The following ACSS3 variants were observed in gnomAD, a reference collection of about 807,000 sequenced individuals.
ACSS3 encodes acyl-CoA synthetase short chain family member 3.
ACSS3 carries 64 observed loss-of-function variants against 84.2 expected under a neutral mutation model. That is an observed-to-expected ratio of 0.76 (90% CI 0.62 to 0.94). The LOEUF (loss-of-function observed/expected upper bound fraction) is 0.94. Among genes scored for constraint, ACSS3 ranks in the 40% least tolerant of loss-of-function variants. ACSS3 has a pLI of 0.00. For missense variants in ACSS3, 815 were observed against 867.6 expected (o/e 0.94, Z 0.76); for synonymous variants, 317 against 310.1 (o/e 1.02, Z -0.23).
intron 11 of ACSS3, among the ~76,000 whole-genome samples, chr12:81,230,741 G>A (rs957466620): frequency 2.6e-5 from 4 of 151,752 alleles, no homozygotes; most frequent in African/African-American, 7.3e-5. Flanking sequence ...TCAATGACAC[G>A]TTTTTTGGTT....
intron 1 of ACSS3, among the ~76,000 whole-genome samples, chr12:81,099,452 A>G (rs1375170071): frequency 6.6e-6 from 1 of 152,220 alleles, no homozygotes; most frequent in Non-Finnish European, 1.5e-5. Context: ...CAACATTATG[A>G]CAACTAAATA....
chr12:81,199,612 T>C, intron 9 of ACSS3, 168 bp downstream of exon 9: 1 of 1,491,422 alleles, frequency 6.7e-7, no homozygotes, highest in Admixed American at 2.0e-5. Context: ...GTGTTATTAA[T>C]AATGTCTTCA....
At chr12:81,104,528 G>A (rs1882809335) in intron 1 of ACSS3, among the ~76,000 whole-genome samples, 3 of 152,094 alleles carry the variant, frequency 2.0e-5, no homozygotes, top group South Asian at 4.2e-4. Flanking sequence ...TAGTTTATGT[G>A]GGGAGCTGAA....
At chr12:81,104,294 A>T (rs1882782363) in intron 1 of ACSS3, among the ~76,000 whole-genome samples, 1 of 152,142 alleles carries the variant, frequency 6.6e-6, no homozygotes. Context: ...AAGCCCCAAT[A>T]AAAACTTTCT....
chr12:81,135,043 T>C, intron 3 of ACSS3, 39 bp downstream of exon 3: 1 of 1,489,560 alleles, frequency 6.7e-7, no homozygotes, highest in Non-Finnish European at 9.1e-7. Flanking sequence ...AGTAGCTATG[T>C]ATAATTTAGT....
intron 7 of ACSS3, among the ~76,000 whole-genome samples, chr12:81,170,551 T>C (rs2029955042): frequency 6.6e-6 from 1 of 152,164 alleles, no homozygotes; most frequent in African/African-American, 2.4e-5. Context: ...ACTAATAATG[T>C]AGACTTAGTT....
chr12:81,188,940 T>C (rs2031423713), intron 8 of ACSS3, among the ~76,000 whole-genome samples: 1 of 152,114 alleles, frequency 6.6e-6, no homozygotes, highest in Admixed American at 6.6e-5. Flanking sequence ...ACACTTTACA[T>C]TTATTCTCCT....
chr12:81,159,051 G>C (rs1024990979), intron 7 of ACSS3, among the ~76,000 whole-genome samples: 1 of 152,090 alleles, frequency 6.6e-6, no homozygotes, highest in East Asian at 1.9e-4. Context: ...TGATTTATAC[G>C]TAAAGATTTT....
intron 7 of ACSS3, among the ~76,000 whole-genome samples, chr12:81,165,191 A>C (rs942009631): frequency 6.6e-6 from 1 of 152,062 alleles, no homozygotes; most frequent in African/African-American, 2.4e-5. Context: ...TTTATGTTGG[A>C]GCTAGCAAGC....
chr12:81,232,225 G>C (rs2033489443), intron 12 of ACSS3, among the ~76,000 whole-genome samples: 1 of 151,660 alleles, frequency 6.6e-6, no homozygotes, highest in Non-Finnish European at 1.5e-5. Context: ...ATTATAGCCT[G>C]ACAATGGCAA....
At chr12:81,207,774 G>A (rs2032410913) in intron 9 of ACSS3, among the ~76,000 whole-genome samples, 1 of 152,034 alleles carries the variant, frequency 6.6e-6, no homozygotes, top group Non-Finnish European at 1.5e-5. Context: ...CTTCTGTGCT[G>A]TCCTGGGTCC....
At chr12:81,100,728 A>G (rs1882444558) in intron 1 of ACSS3, among the ~76,000 whole-genome samples, 1 of 152,196 alleles carries the variant, frequency 6.6e-6, no homozygotes, top group South Asian at 2.1e-4. Context: ...GATTTGCCCC[A>G]GGCCATCCAT....
chr12:81,088,128 T>C (rs2121309596), intron 1 of ACSS3, among the ~76,000 whole-genome samples: 1 of 152,172 alleles, frequency 6.6e-6, no homozygotes, highest in African/African-American at 2.4e-5. Flanking sequence ...CTTAGTTAAT[T>C]GCCAGAGCTT....
intron 8 of ACSS3, among the ~76,000 whole-genome samples, chr12:81,199,083 A>T (rs570948021): frequency 6.6e-6 from 1 of 152,322 alleles, no homozygotes; most frequent in African/African-American, 2.4e-5. Flanking sequence ...GATCAACTCA[A>T]TTGCTCTTTT....
chr12:81,120,677 T>C (rs1470314921), intron 2 of ACSS3, among the ~76,000 whole-genome samples: 1 of 152,178 alleles, frequency 6.6e-6, no homozygotes, highest in Non-Finnish European at 1.5e-5. Context: ...TTTAATTCAT[T>C]TGGAAGTTTT....
intron 11 of ACSS3, among the ~76,000 whole-genome samples, chr12:81,222,862 T>C (rs1481364092): frequency 6.6e-6 from 1 of 152,028 alleles, no homozygotes; most frequent in Non-Finnish European, 1.5e-5. Flanking sequence ...AGAATTTATC[T>C]TTCTAGTAGA....
intron 1 of ACSS3, among the ~76,000 whole-genome samples, chr12:81,095,832 T>TA (rs1264412331): frequency 6.6e-6 from 1 of 152,226 alleles, no homozygotes; most frequent in African/African-American, 2.4e-5. Context: ...TGAGTATACA[T>TA]ACTCATGTAG....
intron 9 of ACSS3, among the ~76,000 whole-genome samples, chr12:81,208,413 T>TCA (rs902197339): frequency 4.8e-4 from 73 of 152,130 alleles, no homozygotes; most frequent in African/African-American, 1.7e-3. Context: ...TCTAGTTTCC[T>TCA]TTAACTTTTG....
Position 81,258,853 on chromosome 12 carries a change from T to A in ACSS3, c.*3931T>A, listed in dbSNP as rs1466966246. The A allele has an allele frequency of 2.0e-5, 3 of 150,216 alleles. No individual in the cohort carries two copies. The highest frequency in any genetic ancestry group is 1.3e-4 in the Admixed American group (2 of 15,148). The allele number at this position is 150,216 out of a possible 1,614,324, so 9.3% of individuals were successfully genotyped here. ...GAACATGTGGTTCTTAGTAAAGAAGTTTTTTTATCTTTTTTTTTTTCTTGG... is the reference window on the plus strand; with the variant it reads ...GAACATGTGGTTCTTAGTAAAGAAGATTTTTTATCTTTTTTTTTTTCTTGG... On this transcript the variant is annotated 3_prime_UTR_variant, in exon 16 of 16. Coordinates refer to ENST00000548058, the MANE Select transcript of ACSS3 (RefSeq NM_024560.4).
Sources: allele counts gnomAD v4.1 joint callset (sites outside exome capture counted in the v4.1 genomes callset), GRCh38; gene constraint gnomAD v4.1.1; transcripts MANE v1.5; gene names NCBI Gene and HGNC (gene_info 2026-07-23, HGNC 2026-07-21).